The following PRKN variants were observed in gnomAD, a reference collection of about 807,000 sequenced individuals.
PRKN encodes parkin RBR E3 ubiquitin protein ligase.
A neutral mutation model predicts 59.5 loss-of-function variants in PRKN; 56 were observed. The observed-to-expected ratio is 0.94, with a 90% CI of 0.76 to 1.18. The LOEUF (loss-of-function observed/expected upper bound fraction) is 1.18, where lower values mean the gene tolerates loss of function less well. Ranked by LOEUF, PRKN falls within the 50% of genes most tolerant of loss-of-function variation. The pLI, the probability that PRKN is intolerant of heterozygous loss-of-function variation, is 0.00. For missense variants in PRKN, 657 were observed against 596.4 expected (o/e 1.10, Z -1.06); for synonymous variants, 250 against 222.1 (o/e 1.13, Z -1.12).
chr6:162,613,368 G>A (rs1379112276), intron 1 of PRKN, among the ~76,000 whole-genome samples: 1 of 152,182 alleles, frequency 6.6e-6, no homozygotes, highest in East Asian at 1.9e-4. Context: ...TACCCAATGA[G>A]ATAAATTTCA....
intron 2 of PRKN, among the ~76,000 whole-genome samples, chr6:162,357,751 G>A (rs528007411): frequency 2.0e-5 from 3 of 152,280 alleles, no homozygotes; most frequent in Admixed American, 6.5e-5. Flanking sequence ...GAATTATTGA[G>A]TCACCAATAG....
In PRKN at chr6:161,352,544, TTATCA is replaced by T. The variant is rs898385393; in HGVS notation, c.1286-2338_1286-2334del. Among the ~76,000 whole-genome samples the T allele has an allele frequency of 6.1e-4, 92 of 151,836 alleles. No individual in the cohort carries two copies. The highest frequency in any genetic ancestry group is 2.1e-3 in the African/African-American group (88 of 41,494). On this transcript the variant is annotated intron_variant, in intron 11 of 11. Coordinates refer to ENST00000366898, the MANE Select transcript of PRKN (RefSeq NM_004562.3). The surrounding 1 kb of genome is among the most constrained non-coding windows in gnomAD (Gnocchi z 5.8). ...GTTTCTCTAAAATATCATAAATATTTTATCATATCATAAATATATCATTATTATAT... is the reference window on the plus strand; with the variant it reads ...GTTTCTCTAAAATATCATAAATATTTTATCATAAATATATCATTATTATAT...
intron 4 of PRKN, among the ~76,000 whole-genome samples, chr6:162,121,409 A>G (rs1462512337): frequency 6.6e-6 from 1 of 152,184 alleles, no homozygotes; most frequent in Non-Finnish European, 1.5e-5. Context: ...GGAAATTGCA[A>G]TGTGCTTACC....
At chr6:161,959,240 T>G (rs930702095) in intron 6 of PRKN, among the ~76,000 whole-genome samples, 1 of 152,200 alleles carries the variant, frequency 6.6e-6, no homozygotes, top group African/African-American at 2.4e-5. Flanking sequence ...ATGTGAGGCG[T>G]GTGGCCAGGG....
At chr6:161,760,684 C>T (rs915689861) in intron 7 of PRKN, among the ~76,000 whole-genome samples, 8 of 152,118 alleles carry the variant, frequency 5.3e-5, no homozygotes, top group African/African-American at 1.7e-4. Context: ...TTTTTGTGGT[C>T]GTGGGACACA....
At chr6:161,714,118 G>A (rs893771811) in intron 7 of PRKN, among the ~76,000 whole-genome samples, 1 of 152,190 alleles carries the variant, frequency 6.6e-6, no homozygotes, top group African/African-American at 2.4e-5. Flanking sequence ...GTGATTCACA[G>A]TGGCTTGATC....
In PRKN at chr6:161,975,247, G is replaced by C. The variant is rs148347494; in HGVS notation, c.619-1830C>G. On this transcript the variant is annotated intron_variant, in intron 5 of 11. Coordinates refer to ENST00000366898, the MANE Select transcript of PRKN (RefSeq NM_004562.3). ...ACTACAGGTGCCCGCCACCACGCCT[G>C]GCCAATTTTTCGTATTAGTAGAGAC... 7.2e-3 allele frequency among the ~76,000 whole-genome samples: 1,099 copies of C among 151,942 alleles called. 16 individuals are homozygous for C. Among genetic ancestry groups the C allele is most frequent in the African/African-American group, 0.025 (1,043 of 41,462 alleles).
chr6:161,750,735 C>T (rs1051409250), intron 7 of PRKN, among the ~76,000 whole-genome samples: 1 of 151,152 alleles, frequency 6.6e-6, no homozygotes, highest in Admixed American at 6.6e-5. Flanking sequence ...CCACTGCACT[C>T]CAGCCTGGGC....
intron 2 of PRKN, among the ~76,000 whole-genome samples, chr6:162,335,171 G>C (rs900587902): frequency 6.6e-6 from 1 of 151,204 alleles, no homozygotes; most frequent in Non-Finnish European, 1.5e-5. Flanking sequence ...ACGGCACCAC[G>C]TTTGGCTACT....
intron 3 of PRKN, among the ~76,000 whole-genome samples, chr6:162,205,753 C>A (rs1784909667): frequency 7.6e-6 from 1 of 131,420 alleles, no homozygotes; most frequent in Admixed American, 7.4e-5. Flanking sequence ...CACAGACACA[C>A]ACACACACGT....
intron 4 of PRKN, among the ~76,000 whole-genome samples, chr6:162,166,095 A>C (rs555769386): frequency 6.6e-6 from 1 of 151,648 alleles, no homozygotes; most frequent in African/African-American, 2.4e-5. Context: ...ATCTGTTTAA[A>C]AGTGGTTTAC....
At chr6:162,569,261 G>T in intron 1 of PRKN, 1 of 587,206 alleles carries the variant, frequency 1.7e-6, no homozygotes, top group Non-Finnish European at 3.2e-6. Flanking sequence ...AAGCCAGAGG[G>T]CTTCCCTGGA....
chr6:162,473,244 A>G (rs2128179208), intron 1 of PRKN, among the ~76,000 whole-genome samples: 1 of 152,296 alleles, frequency 6.6e-6, no homozygotes, highest in East Asian at 1.9e-4. Context: ...CATGATGTGA[A>G]GCAAAGATGG....
intron 5 of PRKN, among the ~76,000 whole-genome samples, chr6:162,010,519 T>A (rs1384496967): frequency 5.3e-5 from 1 of 18,764 alleles, no homozygotes; most frequent in Non-Finnish European, 7.7e-5. Context: ...ATATTATATA[T>A]TATATAATAT....
intron 6 of PRKN, among the ~76,000 whole-genome samples, chr6:161,835,841 G>A (rs1036081488): frequency 1.3e-5 from 2 of 152,202 alleles, no homozygotes; most frequent in Non-Finnish European, 2.9e-5. Flanking sequence ...ACGCTAACTG[G>A]TGGTGGAAGT....
chr6:161,573,468 C>G (rs953851235), intron 7 of PRKN, among the ~76,000 whole-genome samples: 2 of 151,350 alleles, frequency 1.3e-5, no homozygotes, highest in African/African-American at 4.9e-5. Flanking sequence ...CGCCTGTAAT[C>G]CCAGCACTTT....
At chr6:162,360,043 T>C (rs762148723) in intron 2 of PRKN, among the ~76,000 whole-genome samples, 72 of 152,236 alleles carry the variant, frequency 4.7e-4, no homozygotes, top group Non-Finnish European at 1.0e-3. Flanking sequence ...TGTTCTCACT[T>C]ACTAAAATAC....
chr6:162,702,127 G>C (rs892673435), intron 1 of PRKN, among the ~76,000 whole-genome samples: 12 of 151,970 alleles, frequency 7.9e-5, no homozygotes, highest in Admixed American at 7.2e-4. Flanking sequence ...GATTAAATTA[G>C]GAGAAATAAC....
At chr6:162,339,342 G>A in intron 2 of PRKN, among the ~76,000 whole-genome samples, 1 of 147,224 alleles carries the variant, frequency 6.8e-6, no homozygotes, top group South Asian at 2.2e-4. Context: ...AGGGAGGTGG[G>A]GGGGTCAGCC....
Sources: allele counts gnomAD v4.1 joint callset (sites outside exome capture counted in the v4.1 genomes callset), GRCh38; gene constraint gnomAD v4.1.1; non-coding constraint Gnocchi (gnomAD v3.1); transcripts MANE v1.5; gene names NCBI Gene and HGNC (gene_info 2026-07-23, HGNC 2026-07-21).